SLC12A8: variants seen among roughly 807,000 people sequenced by gnomAD.
SLC12A8 encodes cation-chloride cotransporter 9.
SLC12A8 carries 69 observed loss-of-function variants against 75.6 expected under a neutral mutation model. That is an observed-to-expected ratio of 0.91 (90% CI 0.75 to 1.11). The LOEUF (loss-of-function observed/expected upper bound fraction) is 1.11. SLC12A8 is among the 50% of genes most tolerant of loss of function. The pLI is 0.00. For missense variants in SLC12A8, 877 were observed against 896.7 expected (o/e 0.98, Z 0.28); for synonymous variants, 365 against 372.8 (o/e 0.98, Z 0.24).
intron 6 of SLC12A8, among the ~76,000 whole-genome samples, chr3:125,125,539 A>C (rs1371111617): frequency 6.6e-6 from 1 of 152,230 alleles, no homozygotes; most frequent in Non-Finnish European, 1.5e-5. Flanking sequence ...AGCCTGGGTG[A>C]CAGAGCAAGA....
intron 6 of SLC12A8, among the ~76,000 whole-genome samples, chr3:125,129,437 A>AGCCACCAGCACAGGGTGTAATGGAG (rs1171865204): frequency 6.6e-6 from 1 of 152,212 alleles, no homozygotes; most frequent in Non-Finnish European, 1.5e-5. Context: ...CCACCCCTGC[A>AGCCACCAGCACAGGGTGTAATGGAG]GCCACCAGCA....
rs1938725928 is a variant in SLC12A8, at chr3:125,096,903, C to G, written c.1706-4705G>C. 2.0e-5 allele frequency among the ~76,000 whole-genome samples: 3 copies of G among 152,168 alleles called. No individual in the cohort carries two copies. The Middle Eastern group carries it at 0.01, about 518-fold the overall frequency. Reference sequence around the variant, plus strand: ...GTGTATTTGCTTATTTATCATATGTCTTCCCCTACTAGAATGTAAGCTCTA... The same window carrying G: ...GTGTATTTGCTTATTTATCATATGTGTTCCCCTACTAGAATGTAAGCTCTA... On this transcript the variant is annotated intron_variant, in intron 10 of 13. Coordinates refer to ENST00000469902, the MANE Select transcript of SLC12A8 (RefSeq NM_024628.6).
chr3:125,092,350 T>C, intron 10 of SLC12A8, 152 bp from the exon 11 acceptor site: 3 of 502,816 alleles, frequency 6.0e-6, no homozygotes, highest in Non-Finnish European at 1.1e-5. Context: ...AAGAAAGAAG[T>C]GTTTATGGCC....
At chr3:125,207,171 C>G (rs999760367) in intron 2 of SLC12A8, among the ~76,000 whole-genome samples, 5 of 152,150 alleles carry the variant, frequency 3.3e-5, no homozygotes, top group African/African-American at 1.2e-4. Flanking sequence ...ATGGTTCTGA[C>G]GGGGAGCCTG....
At chr3:125,141,049 T>A (rs566208892) in intron 5 of SLC12A8, among the ~76,000 whole-genome samples, 8 of 152,308 alleles carry the variant, frequency 5.3e-5, no homozygotes, top group Non-Finnish European at 1.0e-4. Context: ...GGCCTGCAGC[T>A]GCTGCGTGTG....
chr3:125,182,875 C>T (rs536875115), intron 4 of SLC12A8, among the ~76,000 whole-genome samples: 4 of 152,128 alleles, frequency 2.6e-5, no homozygotes, highest in South Asian at 2.1e-4. Context: ...GTGTATAAGC[C>T]GAGGGAAATG....
At chr3:125,141,785 A>G (rs1223578742) in intron 5 of SLC12A8, among the ~76,000 whole-genome samples, 1 of 152,006 alleles carries the variant, frequency 6.6e-6, no homozygotes, top group Non-Finnish European at 1.5e-5. Context: ...CCAGCCAGAC[A>G]GCCCTTTCCT....
At chr3:125,135,893 G>A (rs1461905352) in intron 5 of SLC12A8, 111 bp from the exon 6 acceptor site, 20 of 591,190 alleles carry the variant, frequency 3.4e-5, no homozygotes, top group Non-Finnish European at 2.3e-5. Context: ...AAAGGTAGGG[G>A]CATGTATGTG....
At chr3:125,155,391 T>G (rs914835322) in intron 5 of SLC12A8, among the ~76,000 whole-genome samples, 3 of 152,088 alleles carry the variant, frequency 2.0e-5, no homozygotes, top group Admixed American at 6.5e-5. Flanking sequence ...CGAGGCTGTT[T>G]GGTAAAGAAT....
chr3:125,131,683 G>C (rs502345), intron 6 of SLC12A8, among the ~76,000 whole-genome samples: 136,226 of 152,286 alleles, frequency 0.89, 62,442 homozygotes, highest in Non-Finnish European at 0.99. Context: ...CCACCAGGCC[G>C]GGCCCAAGAA....
intron 5 of SLC12A8, among the ~76,000 whole-genome samples, chr3:125,139,274 G>A (rs897356235): frequency 7.9e-5 from 12 of 151,784 alleles, no homozygotes; most frequent in Non-Finnish European, 1.3e-4. Flanking sequence ...ACCCCCAGTC[G>A]TACCTCCATG....
intron 5 of SLC12A8, among the ~76,000 whole-genome samples, chr3:125,173,474 A>AC (rs1934452333): frequency 1.3e-5 from 2 of 150,990 alleles, no homozygotes; most frequent in Non-Finnish European, 3.0e-5. Flanking sequence ...AAAAAAAAAA[A>AC]ACCAAAATAA....
rs1560061719 is a variant in SLC12A8, at chr3:125,130,593, AAAAAAAG to A, written c.736+5069_736+5075del. Among the ~76,000 whole-genome samples, 13 of 40,944 alleles carry A rather than the reference AAAAAAAG, an allele frequency of 3.2e-4. No individual in the cohort carries two copies. In the South Asian group the frequency reaches 0.012, roughly 39 times the overall value. The allele number at this position is 40,944 out of a possible 152,430, so 26.9% of individuals were successfully genotyped here. ...GGTGACAGAGCGAGACCCTGTCTTA[AAAAAAAG>A]AAAAAGAAAAAGAAAAAGAAAAAGA... On this transcript the variant is annotated intron_variant, in intron 6 of 13. Transcript: ENST00000469902.
intron 8 of SLC12A8, among the ~76,000 whole-genome samples, chr3:125,112,508 C>T (rs78320147): frequency 6.6e-6 from 1 of 152,132 alleles, no homozygotes; most frequent in African/African-American, 2.4e-5. Context: ...TGGCCCCCTT[C>T]CCCCAGCACC....
At chr3:125,159,464 A>C (rs918666484) in intron 5 of SLC12A8, among the ~76,000 whole-genome samples, 6 of 152,246 alleles carry the variant, frequency 3.9e-5, no homozygotes, top group African/African-American at 1.4e-4. Flanking sequence ...ACAAAATTTC[A>C]GAAGTTAAAA....
chr3:125,115,642 T>A (rs1262950675), intron 8 of SLC12A8, among the ~76,000 whole-genome samples: 1 of 151,560 alleles, frequency 6.6e-6, no homozygotes, highest in Non-Finnish European at 1.5e-5. Flanking sequence ...AGAAACAGAT[T>A]AACTGACCAG....
intron 13 of SLC12A8, 131 bp from the exon 14 acceptor site, chr3:125,084,183 G>C: frequency 2.7e-6 from 2 of 727,886 alleles, no homozygotes; most frequent in Non-Finnish European, 4.5e-6. Context: ...CATAATTCTT[G>C]AAAGGTATAT....
Position 125,135,754 on chromosome 3 carries a change from T to A in SLC12A8, c.651A>T (p.Glu217Asp), listed in dbSNP as rs779242085. ...PEHGFIGYSP[E>D]LLQNNTLPDY... ...CGGGCAGCGTGTTGTTCTGTAGCAGTTCGGGTGAATATCCAATGAAACCAT... is the reference window on the plus strand; with the variant it reads ...CGGGCAGCGTGTTGTTCTGTAGCAGATCGGGTGAATATCCAATGAAACCAT... The change falls in exon 6 of 14, where the codon GAA (glutamate) becomes GAT (aspartate). Residue 217 changes from glutamate (E) to aspartate (D), a missense_variant. Glu to Asp is a conservative substitution (Grantham distance 45, BLOSUM62 2). Coordinates refer to ENST00000469902, the MANE Select transcript of SLC12A8 (RefSeq NM_024628.6). 1 of 1,606,782 alleles carries A rather than the reference T, an allele frequency of 6.2e-7. No homozygotes were observed.
At chr3:125,108,377 T>C (rs1399770138) in intron 9 of SLC12A8, among the ~76,000 whole-genome samples, 1 of 152,138 alleles carries the variant, frequency 6.6e-6, no homozygotes, top group Non-Finnish European at 1.5e-5. Context: ...TTTTTTTTTT[T>C]TCTTTTTTTG....
Sources: gnomAD v4.1 joint callset for allele counts (sites outside exome capture counted in the v4.1 genomes callset) on GRCh38, gnomAD v4.1.1 for gene constraint, MANE v1.5 for transcripts, NCBI Gene and HGNC (gene_info 2026-07-23, HGNC 2026-07-21) for gene names.